TEX14: variants seen among roughly 807,000 people sequenced by gnomAD.
TEX14 encodes testis expressed 14, intercellular bridge forming factor, also known as inactive serine/threonine-protein kinase TEX14.
A neutral mutation model predicts 178.6 loss-of-function variants in TEX14; 168 were observed. The ratio of observed to expected loss-of-function variants is 0.94; its 90% confidence interval spans 0.83 to 1.07. The LOEUF (loss-of-function observed/expected upper bound fraction) is 1.07. Among genes scored for constraint, TEX14 ranks in the 50% least tolerant of loss-of-function variants. The probability of loss-of-function intolerance (pLI) is 0.00; values close to 1 mark genes in which losing one functional copy is unlikely to be tolerated. For synonymous variants in TEX14, 626 were observed against 634.1 expected (o/e 0.99, Z 0.19); for missense variants, 1,730 against 1,753.6 (o/e 0.99, Z 0.24).
chr17:58,649,781 C>T (rs1353434366), intron 2 of TEX14, among the ~76,000 whole-genome samples: 1 of 151,940 alleles, frequency 6.6e-6, no homozygotes, highest in Non-Finnish European at 1.5e-5. Flanking sequence ...ACTCTGTCCC[C>T]CAGGCTGGAG....
intron 2 of TEX14, among the ~76,000 whole-genome samples, chr17:58,639,181 T>C (rs188154366): frequency 1.1e-4 from 16 of 151,872 alleles, no homozygotes; most frequent in African/African-American, 3.4e-4. Context: ...TTATTCTAAT[T>C]GAAGTAACTC....
rs770442824 is a variant in TEX14, at chr17:58,561,622, G to A, written c.4065-10C>T. ...CAGAGTAGAGTGAGCTCTGTTTAAG[G>A]ACAAGTGAAGAGAATGGAGACAACA... is the stretch of plus-strand genomic sequence containing the variant. On this transcript the variant is annotated splice_polypyrimidine_tract_variant and intron_variant, in intron 28 of 31. Coordinates refer to ENST00000349033, the MANE Select transcript of TEX14 (RefSeq NM_031272.5). The A allele has an allele frequency of 1.9e-6, 3 of 1,583,142 alleles. No homozygotes were observed. Among genetic ancestry groups the A allele is most frequent in the South Asian group, 2.2e-5 (2 of 90,468 alleles).
intron 10 of TEX14, among the ~76,000 whole-genome samples, chr17:58,608,583 T>TA (rs1246535127): frequency 6.6e-6 from 1 of 152,122 alleles, no homozygotes; most frequent in Non-Finnish European, 1.5e-5. Context: ...CTCAAAAAAA[T>TA]AAAAAATATT....
intron 2 of TEX14, among the ~76,000 whole-genome samples, chr17:58,643,543 C>T (rs1247566055): frequency 6.8e-6 from 1 of 146,928 alleles, no homozygotes; most frequent in African/African-American, 2.6e-5. Context: ...TATGGGGCAA[C>T]ATAGTGAGAC....
chr17:58,678,514 T>G (rs971436026), intron 1 of TEX14, among the ~76,000 whole-genome samples: 3 of 152,156 alleles, frequency 2.0e-5, no homozygotes, highest in African/African-American at 7.2e-5. Flanking sequence ...GATGAGTTCA[T>G]GTCCTTTGTA....
intron 22 of TEX14, among the ~76,000 whole-genome samples, chr17:58,573,604 C>T (rs965125846): frequency 2.0e-5 from 3 of 152,122 alleles, no homozygotes; most frequent in African/African-American, 7.2e-5. Flanking sequence ...CTGCAACCTC[C>T]GCCTCCCGGG....
At position 58,623,017 on chromosome 17, in the gene TEX14, G is replaced by A. The variant is rs2046037085; in HGVS notation, c.252-5C>T. On this transcript the variant is annotated splice_polypyrimidine_tract_variant and splice_region_variant and intron_variant, in intron 3 of 31. Transcript: ENST00000349033. ...GTGCTCCCATCAAAGCAGCGGCTGGGGAGGGAGATGAGTACAATTGATGTC... is the reference window on the plus strand; with the variant it reads ...GTGCTCCCATCAAAGCAGCGGCTGGAGAGGGAGATGAGTACAATTGATGTC... The A allele has an allele frequency of 6.3e-7, 1 of 1,586,960 alleles. No individual in the cohort carries two copies. Among genetic ancestry groups the A allele is most frequent in the African/African-American group, 1.3e-5 (1 of 74,516 alleles).
chr17:58,626,826 GCACCACTGCACTC>G (rs1415671590), intron 3 of TEX14, among the ~76,000 whole-genome samples: 1 of 151,980 alleles, frequency 6.6e-6, no homozygotes, highest in African/African-American at 2.4e-5. Context: ...AGCCAAGATC[GCACCACTGCACTC>G]CACCTGGAAA....
In TEX14 at chr17:58,599,577, C is replaced by T; in HGVS notation, c.1768G>A (p.Glu590Lys). 1 of 1,613,964 alleles carries T rather than the reference C, an allele frequency of 6.2e-7. No homozygotes were observed. Among genetic ancestry groups the T allele is most frequent in the Non-Finnish European group, 8.5e-7 (1 of 1,180,006 alleles). Reference protein sequence around the residue: ...QAPDPCLMARETQNQDAPCPA... With the variant: ...QAPDPCLMARKTQNQDAPCPA... Reference sequence around the variant, plus strand: ...CAAGGAGCATCTTGATTCTGAGTCTCCCTGGCCATCAGACATGGATCTGGG... The same window carrying T: ...CAAGGAGCATCTTGATTCTGAGTCTTCCTGGCCATCAGACATGGATCTGGG... The change falls in exon 14 of 32, where the codon GAG becomes AAG. Residue 590 changes from glutamate to lysine, a missense_variant. Physicochemically the swap from Glu to Lys is moderately conservative, Grantham distance 56. Transcript: ENST00000349033.
At chr17:58,603,771 T>C (rs2045531903) in intron 11 of TEX14, among the ~76,000 whole-genome samples, 1 of 151,104 alleles carries the variant, frequency 6.6e-6, no homozygotes, top group African/African-American at 2.4e-5. Flanking sequence ...GGAGAATCGC[T>C]TGAACCCGGG....
intron 26 of TEX14, chr17:58,567,797 A>G (rs1156546258): frequency 2.0e-5 from 3 of 152,200 alleles, no homozygotes; most frequent in Admixed American, 2.0e-4. Context: ...GAAATGAGGG[A>G]AGGCTTCTGC....
intron 19 of TEX14, among the ~76,000 whole-genome samples, chr17:58,580,585 C>G (rs1228483647): frequency 6.6e-6 from 1 of 152,152 alleles, no homozygotes; most frequent in African/African-American, 2.4e-5. Context: ...GCTGGGATTA[C>G]AGGCGTGAGC....
Position 58,607,457 on chromosome 17 carries a change from C to A in TEX14, c.1185-2328G>T, listed in dbSNP as rs1046629361. The stretch of plus-strand genomic sequence containing the variant: ...TCTCATGGCTGGTGTTCCTGTCAAC[C>A]TCCAATCCATCCTGCCCCTGTATCC... On this transcript the variant is annotated intron_variant, in intron 10 of 31. Coordinates refer to ENST00000349033, the MANE Select transcript of TEX14 (RefSeq NM_031272.5). Among the ~76,000 whole-genome samples the A allele has an allele frequency of 3.3e-5, 5 of 151,994 alleles. No homozygotes were observed. In the South Asian group the frequency reaches 1.0e-3, roughly 32 times the overall value.
At chr17:58,568,876 A>G (rs992974999) in intron 26 of TEX14, among the ~76,000 whole-genome samples, 2 of 152,218 alleles carry the variant, frequency 1.3e-5, no homozygotes, top group Non-Finnish European at 2.9e-5. Flanking sequence ...TGAAAAGGAG[A>G]TAAGAACTCC....
In TEX14 at chr17:58,579,652, A is replaced by C. The variant is rs750467792; in HGVS notation, c.3238+13T>G. On this transcript the variant is annotated intron_variant, in intron 20 of 31. Transcript: ENST00000349033. ...AAGTGATTCTCAAGGAATCTTCCCT[A>C]AGGGCTTATTACCAGAGACTTGAGG... 1.9e-6 allele frequency: 3 copies of C among 1,608,182 alleles called. No individual in the cohort carries two copies. In the East Asian group the frequency reaches 6.7e-5, roughly 36 times the overall value.
Position 58,621,805 on chromosome 17 carries a change from A to G in TEX14, c.418-19T>C. 1 of 1,608,478 alleles carries G rather than the reference A, an allele frequency of 6.2e-7. No homozygotes were observed. Among genetic ancestry groups the G allele is most frequent in the African/African-American group, 1.3e-5 (1 of 75,012 alleles). ...CCACTATCTGCAAAACATCGCAGAGATGCCCAGTGCGGGCGCACCAGTTCT... is the reference window on the plus strand; with the variant it reads ...CCACTATCTGCAAAACATCGCAGAGGTGCCCAGTGCGGGCGCACCAGTTCT... On this transcript the variant is annotated intron_variant, in intron 4 of 31. Transcript: ENST00000349033.
intron 3 of TEX14, among the ~76,000 whole-genome samples, chr17:58,623,834 A>AGAG (rs1180060670): frequency 6.6e-6 from 1 of 151,278 alleles, no homozygotes; most frequent in Admixed American, 6.6e-5. Flanking sequence ...AGGGGGAGGC[A>AGAG]GAGGAGGAGG....
At chr17:58,561,426 A>G in intron 29 of TEX14, 94 bp downstream of exon 29, 2 of 854,198 alleles carry the variant, frequency 2.3e-6, no homozygotes, top group Non-Finnish European at 3.9e-6. Flanking sequence ...AATCAATGTA[A>G]TGCCATCATC....
intron 10 of TEX14, among the ~76,000 whole-genome samples, chr17:58,610,138 A>G (rs2045710295): frequency 2.0e-5 from 3 of 152,240 alleles, no homozygotes; most frequent in Non-Finnish European, 4.4e-5. Flanking sequence ...AACAGGAAAC[A>G]AAGCCCACTT....
Sources: allele counts gnomAD v4.1 joint callset (sites outside exome capture counted in the v4.1 genomes callset), GRCh38; gene constraint gnomAD v4.1.1; transcripts MANE v1.5; gene names NCBI Gene and HGNC (gene_info 2026-07-23, HGNC 2026-07-21).